The following NEBL variants were observed in gnomAD, a reference collection of about 807,000 sequenced individuals.
NEBL encodes the protein LIM and SH3 protein 2.
A neutral mutation model predicts 140.2 loss-of-function variants in NEBL; 122 were observed. That is an observed-to-expected ratio of 0.87 (90% CI 0.75 to 1.01). The LOEUF (loss-of-function observed/expected upper bound fraction) is 1.01, where lower values mean the gene tolerates loss of function less well. Among genes scored for constraint, NEBL ranks in the 50% least tolerant of loss-of-function variants. The probability of loss-of-function intolerance (pLI) is 0.00; values close to 1 mark genes in which losing one functional copy is unlikely to be tolerated. For missense variants in NEBL, 1,365 were observed against 1,231.3 expected (o/e 1.11, Z -1.62); for synonymous variants, 436 against 398.9 (o/e 1.09, Z -1.11).
At chr10:21,239,012 A>T (rs549906833) in intron 3 of NEBL, among the ~76,000 whole-genome samples, 1 of 152,332 alleles carries the variant, frequency 6.6e-6, no homozygotes, top group African/African-American at 2.4e-5. Flanking sequence ...TAAGAATGCC[A>T]GGCCTGAAAC....
chr10:21,000,533 C>T (rs560713133), intron 3 of NEBL, among the ~76,000 whole-genome samples: 24 of 152,172 alleles, frequency 1.6e-4, no homozygotes, highest in African/African-American at 5.5e-4. Flanking sequence ...GCCACCCATT[C>T]CCAGGTAAAT....
At chr10:20,830,330 A>T (rs1263632706) in intron 16 of NEBL, among the ~76,000 whole-genome samples, 1 of 152,052 alleles carries the variant, frequency 6.6e-6, no homozygotes, top group Non-Finnish European at 1.5e-5. Flanking sequence ...CATTTTTTTC[A>T]TTCCTTCTAT....
At chr10:20,837,165 A>C (rs1308637684) in intron 13 of NEBL, among the ~76,000 whole-genome samples, 1 of 152,032 alleles carries the variant, frequency 6.6e-6, no homozygotes, top group African/African-American at 2.4e-5. Context: ...GGATGTCAAA[A>C]GCCAACACAG....
rs776562721 is a variant in NEBL at position 20,787,244 on chromosome 10, G to A, written c.2826C>T (p.Thr942=). The A allele has an allele frequency of 6.2e-7, 1 of 1,613,464 alleles. No individual in the cohort carries two copies. The highest frequency in any genetic ancestry group is 1.1e-5 in the South Asian group (1 of 90,954). ...HSQGYGYMHQ[T]SVSSMRSMQH... is the part of the protein sequence containing the mutation. ...GCATTGATCTCATGGATGACACACT[G>A]GTCTGGTGCATGTAGCCATAGCCTT... The change falls in exon 27 of 28, where the codon ACC becomes ACT. Residue 942 remains threonine (T), a synonymous_variant. Transcript: ENST00000377122.
At chr10:21,105,521 C>CT (rs756024143) in intron 2 of NEBL, among the ~76,000 whole-genome samples, 70 of 152,074 alleles carry the variant, frequency 4.6e-4, no homozygotes, top group Non-Finnish European at 8.8e-4. Context: ...TGAACTCATC[C>CT]TTTTTTATGG....
At chr10:21,209,850 T>G (rs1841888944) in intron 3 of NEBL, among the ~76,000 whole-genome samples, 1 of 152,040 alleles carries the variant, frequency 6.6e-6, no homozygotes, top group Non-Finnish European at 1.5e-5. Context: ...AGGCTGACAC[T>G]GTCTTTCCTT....
intron 24 of NEBL, among the ~76,000 whole-genome samples, chr10:20,812,388 C>T (rs2697028): frequency 0.05 from 7,557 of 151,732 alleles, 264 homozygotes; most frequent in Middle Eastern, 0.11. Flanking sequence ...TTGTTACATA[C>T]GTATACATGT....
intron 4 of NEBL, among the ~76,000 whole-genome samples, chr10:20,907,876 C>T (rs1848163934): frequency 6.6e-6 from 1 of 152,094 alleles, no homozygotes; most frequent in African/African-American, 2.4e-5. Flanking sequence ...TATCCAAATG[C>T]AATGAAGTGC....
At chr10:21,146,987 G>A (rs1179849881) in intron 2 of NEBL, among the ~76,000 whole-genome samples, 1 of 152,102 alleles carries the variant, frequency 6.6e-6, no homozygotes, top group East Asian at 1.9e-4. Context: ...GGTCCTCCCT[G>A]CCATAACGCC....
intron 3 of NEBL, among the ~76,000 whole-genome samples, chr10:21,227,386 A>G (rs955051558): frequency 1.3e-5 from 2 of 152,036 alleles, no homozygotes; most frequent in Non-Finnish European, 2.9e-5. Flanking sequence ...AAGTAATGTT[A>G]AATTCTACTT....
chr10:20,828,592 A>C lies in NEBL; in HGVS notation c.1714T>G (p.Ser572Ala). The change falls in exon 17 of 28, where the codon TCT (serine) becomes GCT (alanine). Residue 572 changes from serine (S) to alanine (A), a missense_variant. Ser to Ala is a moderately conservative substitution (Grantham distance 99). Transcript: ENST00000377122. ...DEAEKMLSNY[S>A]TIADTPEIQR... Reference sequence around the variant, plus strand: ...ATTTCAGGAGTATCTGCTATGGTAGAATAGTTAGAAAGCATCTTCTCTGCT... The same window carrying C: ...ATTTCAGGAGTATCTGCTATGGTAGCATAGTTAGAAAGCATCTTCTCTGCT... 6.3e-7 allele frequency: 1 copy of C among 1,594,296 alleles called. No individual in the cohort carries two copies. Among genetic ancestry groups the C allele is most frequent in the Non-Finnish European group, 8.6e-7 (1 of 1,162,388 alleles).
Position 21,043,952 on chromosome 10 carries a change from G to A in NEBL, c.165-23751C>T, listed in dbSNP as rs184284559. On this transcript the variant is annotated intron_variant, in intron 2 of 6. Coordinates refer to the NEBL transcript ENST00000417816. ...GTCTACAACTCTAAATAGATCCACA[G>A]TGTGCATATGGCCACCTGAAGCTCC... Among the ~76,000 whole-genome samples, 3 of 152,290 alleles carry A rather than the reference G, an allele frequency of 2.0e-5. No individual in the cohort carries two copies. The East Asian group carries it at 5.8e-4, about 29-fold the overall frequency.
At chr10:20,830,284 A>C (rs1033286265) in intron 16 of NEBL, among the ~76,000 whole-genome samples, 2 of 152,228 alleles carry the variant, frequency 1.3e-5, no homozygotes, top group African/African-American at 2.4e-5. Context: ...CCATTAATCA[A>C]ATTAAATGCT....
At chr10:20,920,898 C>T (rs1833550605) in intron 4 of NEBL, among the ~76,000 whole-genome samples, 1 of 152,080 alleles carries the variant, frequency 6.6e-6, no homozygotes, top group Non-Finnish European at 1.5e-5. Context: ...TTTTATAAAT[C>T]TAAATTTGAT....
chr10:21,224,615 T>C (rs1024024128), intron 3 of NEBL, among the ~76,000 whole-genome samples: 8 of 152,368 alleles, frequency 5.3e-5, no homozygotes, highest in Admixed American at 5.2e-4. Context: ...TTTAACAATA[T>C]TTATTCTTCC....
At chr10:21,023,696 AAAATAAAT>A (rs374573842) in intron 2 of NEBL, among the ~76,000 whole-genome samples, 3 of 151,630 alleles carry the variant, frequency 2.0e-5, no homozygotes, top group Admixed American at 6.6e-5. Context: ...CTCCATCTCA[AAAATAAAT>A]AAATAAATAA....
intron 3 of NEBL, among the ~76,000 whole-genome samples, chr10:21,188,118 T>C (rs1841507089): frequency 6.6e-6 from 1 of 152,232 alleles, no homozygotes; most frequent in Admixed American, 6.5e-5. Context: ...TCACTCTCTT[T>C]ACCTACATTT....
rs113515307 is a variant in NEBL, at chr10:20,912,070, C to A, written c.357+49602G>T. Among the ~76,000 whole-genome samples, 658 of 152,282 alleles carry A rather than the reference C, an allele frequency of 4.3e-3. 4 individuals carry two copies. Among genetic ancestry groups the A allele is most frequent in the East Asian group, 0.024 (125 of 5,182 alleles). On this transcript the variant is annotated intron_variant, in intron 4 of 6. Coordinates refer to the NEBL transcript ENST00000417816. ...ATTCTCCCTCTTACGGTTATAATAA[C>A]TTTTCTTATTCTTCACACTAACACT...
chr10:20,863,104 T>C (rs1162954929), intron 7 of NEBL, among the ~76,000 whole-genome samples: 1 of 152,164 alleles, frequency 6.6e-6, no homozygotes, highest in African/African-American at 2.4e-5. Context: ...AAAACACGGA[T>C]ACTGTTAAGC....
Sources: gnomAD v4.1 joint callset for allele counts (sites outside exome capture counted in the v4.1 genomes callset) on GRCh38, gnomAD v4.1.1 for gene constraint, MANE v1.5 for transcripts, NCBI Gene and HGNC (gene_info 2026-07-23, HGNC 2026-07-21) for gene names.